The following SLC23A1 variants were observed in gnomAD, a reference collection of about 807,000 sequenced individuals.
SLC23A1 encodes the protein Na(+)/L-ascorbic acid transporter 1.
In SLC23A1, 31 loss-of-function variants were observed where a neutral mutation model predicts 62.5. The ratio of observed to expected loss-of-function variants is 0.50; its 90% CI spans 0.37 to 0.67. SLC23A1 has a LOEUF of 0.67. Among genes scored for constraint, SLC23A1 ranks in the 30% least tolerant of loss-of-function variants. The probability of loss-of-function intolerance (pLI) is 0.00; values close to 1 mark genes in which losing one functional copy is unlikely to be tolerated. For synonymous variants in SLC23A1, 271 were observed against 313.2 expected, an observed-to-expected ratio of 0.87 and a Z score of 1.42; for missense variants, 640 against 782.7, an observed-to-expected ratio of 0.82 and a Z score of 2.18.
chr5:139,379,185 CT>C lies in SLC23A1; in HGVS notation c.1073+21del, dbSNP rs752137319. 5.6e-6 allele frequency: 9 copies of C among 1,613,104 alleles called. No individual in the cohort carries two copies. The Admixed American group carries it at 1.0e-4, about 18-fold the overall frequency. On this transcript the variant is annotated intron_variant, in intron 9 of 14. Coordinates refer to ENST00000348729, the MANE Select transcript of SLC23A1 (RefSeq NM_005847.5). This position sits in a 1 kb window ranked among gnomAD's most constrained non-coding sequence, Gnocchi z 4.7. ...GGGTGGCGCCTGAGGAGATCAGATACTGAGGAGGGCAGGTAGGCTACCTGTT... is the reference window on the plus strand; with the variant it reads ...GGGTGGCGCCTGAGGAGATCAGATACGAGGAGGGCAGGTAGGCTACCTGTT...
Position 139,380,890 on chromosome 5 carries a change from G to A in SLC23A1, c.309-4C>T, listed in dbSNP as rs1225207562. The A allele has an allele frequency of 1.0e-5, 13 of 1,293,592 alleles. No individual in the cohort carries two copies. Among genetic ancestry groups the A allele is most frequent in the Admixed American group, 4.6e-5 (2 of 43,562 alleles). The allele number at this position is 1,293,592 out of a possible 1,614,324, so 80.1% of individuals were successfully genotyped here. A position where few individuals can be genotyped will look rare whatever the true frequency, so the allele number is the denominator to read the frequency against. On this transcript the variant is annotated splice_region_variant and splice_polypyrimidine_tract_variant and intron_variant, in intron 3 of 14. Transcript: ENST00000348729. ...ACTGGCCTGGAACAGCGGCAGCCTG[G>A]AGGAGAGGCACAAAGCAACAGGGGT...
rs750940782 is a variant in SLC23A1 at position 139,379,704 on chromosome 5, G to T, written c.899C>A (p.Ala300Glu). Reference protein sequence around the residue: ...TDARGDIMAIAPWIRIPYPCQ... With the variant: ...TDARGDIMAIEPWIRIPYPCQ... ...GGGGTAGGGGATGCGGATCCAGGGTGCAATAGCCATGATGTCACCACGGGC... is the reference window on the plus strand; with the variant it reads ...GGGGTAGGGGATGCGGATCCAGGGTTCAATAGCCATGATGTCACCACGGGC... The change falls in exon 8 of 15, where the codon GCA (alanine) becomes GAA (glutamate). Residue 300 changes from alanine (A) to glutamate (E), a missense_variant. Coordinates refer to ENST00000348729, the MANE Select transcript of SLC23A1 (RefSeq NM_005847.5). The surrounding 1 kb of genome is among the most constrained non-coding windows in gnomAD (Gnocchi z 4.7). The T allele has an allele frequency of 1.9e-6, 3 of 1,613,942 alleles. No homozygotes were observed. The highest frequency in any genetic ancestry group is 2.5e-6 in the Non-Finnish European group (3 of 1,179,936).
chr5:139,373,334 C>A (rs766839684), intron 13 of SLC23A1, among the ~76,000 whole-genome samples: 1 of 152,012 alleles, frequency 6.6e-6, no homozygotes, highest in Non-Finnish European at 1.5e-5. Context: ...TGACCCACCA[C>A]GCCCGGCTAA....
chr5:139,372,245 C>G lies in SLC23A1; in HGVS notation c.1558G>C (p.Glu520Gln). ...ILDNTVPGSP[E>Q]ERGLIQWKAG... ...TTCCACTGTATCAGACCACGCTCCT[C>G]TGGGCTCCCTGGAAGAGGATAGTGA... is the stretch of plus-strand genomic sequence containing the variant. Residue 520 changes from glutamate to glutamine, a missense_variant, in exon 14 of 15, where the codon GAG becomes CAG. Glu to Gln is a conservative substitution (Grantham distance 29). Transcript: ENST00000348729. 6.2e-7 allele frequency: 1 copy of G among 1,613,248 alleles called. No homozygotes were observed. The highest frequency in any genetic ancestry group is 8.5e-7 in the Non-Finnish European group (1 of 1,179,616).
chr5:139,378,562 C>G lies in SLC23A1; in HGVS notation c.1179+17G>C. Reference sequence around the variant, plus strand: ...CACGGAATTAGGGCAGGATTTGGCTCTGGCTCGTCGCGACACCTTGGTAAT... The same window carrying G: ...CACGGAATTAGGGCAGGATTTGGCTGTGGCTCGTCGCGACACCTTGGTAAT... On this transcript the variant is annotated intron_variant, in intron 10 of 14. Coordinates refer to ENST00000348729, the MANE Select transcript of SLC23A1 (RefSeq NM_005847.5). This position sits in a 1 kb window ranked among gnomAD's most constrained non-coding sequence, Gnocchi z 4.5. 6.4e-7 allele frequency: 1 copy of G among 1,561,590 alleles called. No individual in the cohort carries two copies. The highest frequency in any genetic ancestry group is 8.7e-7 in the Non-Finnish European group (1 of 1,150,526).
chr5:139,379,530 C>A lies in SLC23A1; in HGVS notation c.925+148G>T. ...TCAGAGCCAGGAAGTGGGACTGAAG[C>A]TTTGTCTAAGTAAAACACCACTCTG... On this transcript the variant is annotated intron_variant, in intron 8 of 14. Coordinates refer to ENST00000348729, the MANE Select transcript of SLC23A1 (RefSeq NM_005847.5). This position sits in a 1 kb window ranked among gnomAD's most constrained non-coding sequence, Gnocchi z 4.7. 9.6e-7 allele frequency: 1 copy of A among 1,041,782 alleles called. No homozygotes were observed. 64.5% of individuals were successfully genotyped at this position (1,041,782 alleles called of 1,614,324 possible). A position where few individuals can be genotyped will look rare whatever the true frequency, so the allele number is the denominator to read the frequency against.
Position 139,382,588 on chromosome 5 carries a change from G to T in SLC23A1, c.54C>A (p.Asp18Glu), listed in dbSNP as rs1048854593. ...EGRTQHETTR[D>E]PSTPLPTEPK... ...GCTCTGTGGGTAGCGGGGTCGAGGGGTCCCTGGTGGTTTCATGCTGGAGGC... is the reference window on the plus strand; with the variant it reads ...GCTCTGTGGGTAGCGGGGTCGAGGGTTCCCTGGTGGTTTCATGCTGGAGGC... The change falls in exon 2 of 15, where the codon GAC becomes GAA. Residue 18 changes from aspartate to glutamate, a missense_variant. Transcript: ENST00000348729. 1.2e-6 allele frequency: 2 copies of T among 1,611,994 alleles called. No homozygotes were observed. The highest frequency in any genetic ancestry group is 2.7e-5 in the African/African-American group (2 of 74,844).
Position 139,372,007 on chromosome 5 carries a change from C to T in SLC23A1, c.1796G>A (p.Ter599=), listed in dbSNP as rs1212139069. The T allele has an allele frequency of 2.5e-6, 4 of 1,612,318 alleles. No homozygotes were observed. The highest frequency in any genetic ancestry group is 2.5e-6 in the Non-Finnish European group (3 of 1,178,960). The change falls in exon 14 of 15, where the codon TGA becomes TAA. Residue 599 remains the stop codon, a stop_retained_variant. Transcript: ENST00000348729. ...CCTACCTTTCCTGGAAGTCATTTTT[C>T]AGACCTTGGTGCACACAGATGCAGT... ...TETASVCTKV[*] is the part of the protein sequence containing the mutation.
rs376403265 is a variant in SLC23A1 at position 139,383,220 on chromosome 5, G to C, written c.34C>G (p.Gln12Glu). The change falls in exon 1 of 15, where the codon CAG becomes GAG. Residue 12 changes from glutamine (Q) to glutamate (E), a missense_variant and splice_region_variant. By Grantham distance (29) the Gln-to-Glu change is conservative. Transcript: ENST00000348729. ...CCCCCACCCCCAGCCCCCAGCACCT[G>C]TGTCCGGCCCTCGAGGTCCTCCTGG... ...RAQEDLEGRTQHETTRDPSTP... is the reference protein window; with the variant it reads ...RAQEDLEGRTEHETTRDPSTP... 153 of 1,034,604 alleles carry C rather than the reference G, an allele frequency of 1.5e-4. No homozygotes were observed. Among genetic ancestry groups the C allele is most frequent in the Non-Finnish European group, 1.7e-4 (136 of 818,126 alleles). 64.1% of individuals were successfully genotyped at this position (1,034,604 alleles called of 1,614,324 possible).
At chr5:139,371,588 T>G (rs781421673) in intron 14 of SLC23A1, among the ~76,000 whole-genome samples, 2 of 152,242 alleles carry the variant, frequency 1.3e-5, no homozygotes, top group African/African-American at 2.4e-5. Flanking sequence ...GTTCTTGTGC[T>G]GCATTTCTCA....
chr5:139,382,000 G>C lies in SLC23A1; in HGVS notation c.200C>G (p.Ala67Gly). The stretch of plus-strand genomic sequence containing the variant: ...GTCGTGGCCCACACACAGCGCCTCA[G>C]CCAGCAGGAAGGGCACGGCGATGGT... ...SGTIAVPFLL[A>G]EALCVGHDQH... Residue 67 changes from alanine to glycine, a missense_variant, in exon 3 of 15, where the codon GCT becomes GGT. Transcript: ENST00000348729. 1 of 1,607,938 alleles carries C rather than the reference G, an allele frequency of 6.2e-7. No homozygotes were observed. The highest frequency in any genetic ancestry group is 8.5e-7 in the Non-Finnish European group (1 of 1,177,246).
chr5:139,374,574 T>G (rs1161429212), intron 13 of SLC23A1, among the ~76,000 whole-genome samples: 1 of 152,246 alleles, frequency 6.6e-6, no homozygotes, highest in Non-Finnish European at 1.5e-5. Flanking sequence ...TTAGTTTGAA[T>G]CCAGGTTGTG....
At chr5:139,380,663 AC>A in intron 4 of SLC23A1, 31 bp from the exon 5 acceptor site, 1 of 1,566,584 alleles carries the variant, frequency 6.4e-7, no homozygotes, top group Non-Finnish European at 8.8e-7. Context: ...ACACACACGG[AC>A]CAGGTACAGA....
intron 13 of SLC23A1, among the ~76,000 whole-genome samples, chr5:139,377,043 C>T (rs1372980844): frequency 2.0e-5 from 3 of 151,878 alleles, no homozygotes; most frequent in Non-Finnish European, 2.9e-5. Context: ...TTGAACCCTC[C>T]GGGAAGTGGA....
chr5:139,377,326 T>C, intron 13 of SLC23A1, 76 bp downstream of exon 13: 1 of 828,160 alleles, frequency 1.2e-6, no homozygotes, highest in Non-Finnish European at 2.1e-6. Flanking sequence ...ACCACACAGC[T>C]CCAGCTCAGA....
rs1174559419 is a variant in SLC23A1, at chr5:139,379,019, C to A, written c.1073+188G>T. Among the ~76,000 whole-genome samples, 1 of 152,186 alleles carries A rather than the reference C, an allele frequency of 6.6e-6. No homozygotes were observed. The highest frequency in any genetic ancestry group is 1.5e-5 in the Non-Finnish European group (1 of 68,036). On this transcript the variant is annotated intron_variant, in intron 9 of 14. Coordinates refer to ENST00000348729, the MANE Select transcript of SLC23A1 (RefSeq NM_005847.5). This position sits in a 1 kb window ranked among gnomAD's most constrained non-coding sequence, Gnocchi z 4.7. ...GGTTCCCTTTGGACTCCACCATCTT[C>A]TCAGCTACTCCCAGCAAAGACAGAG... is the stretch of plus-strand genomic sequence containing the variant.
chr5:139,384,179 G>C (rs1271079045), upstream of SLC23A1, among the ~76,000 whole-genome samples: 1 of 152,240 alleles, frequency 6.6e-6, no homozygotes, highest in Non-Finnish European at 1.5e-5. Flanking sequence ...CCTATGCCCA[G>C]CCTGTCTCCC....
chr5:139,375,100 T>C (rs868273653), intron 13 of SLC23A1, among the ~76,000 whole-genome samples: 1 of 152,204 alleles, frequency 6.6e-6, no homozygotes, highest in Non-Finnish European at 1.5e-5. Context: ...CTGACACCTA[T>C]GTTATGTGAA....
intron 1 of SLC23A1, 68 bp from the exon 2 acceptor site, chr5:139,382,673 G>T (rs1014497151): frequency 9.2e-6 from 9 of 979,696 alleles, no homozygotes; most frequent in African/African-American, 1.6e-5. Flanking sequence ...TTCTGCCCCA[G>T]AATCAATCAG....
Sources: allele counts gnomAD v4.1 joint callset (sites outside exome capture counted in the v4.1 genomes callset), GRCh38; gene constraint gnomAD v4.1.1; non-coding constraint Gnocchi (gnomAD v3.1); transcripts MANE v1.5; gene names NCBI Gene and HGNC (gene_info 2026-07-23, HGNC 2026-07-21).